Variants in SNX2 observed in about 807,000 individuals in gnomAD.
SNX2 encodes sorting nexin 2, also known as sorting nexin-2.
In SNX2, 25 loss-of-function variants were observed where a neutral mutation model predicts 69.9. That is an observed-to-expected ratio of 0.36 (90% CI 0.26 to 0.50). SNX2 has a LOEUF of 0.50. Ranked by LOEUF, SNX2 falls within the 20% of genes least tolerant of loss-of-function variation. The pLI, the probability that SNX2 is intolerant of heterozygous loss-of-function variation, is 0.97. For missense variants in SNX2, 551 were observed against 613.3 expected (o/e 0.90, Z 1.07); for synonymous variants, 229 against 200.4 (o/e 1.14, Z -1.20).
In SNX2 at chr5:122,830,396, G is replaced by GA. The variant is rs1011288031; in HGVS notation, c.*755dup. Reference sequence around the variant, plus strand: ...TACAAGTGCCCAATTTAAGAATTAGGAAAAAAATGTATTTATATACTTTTA... The same window carrying GA: ...TACAAGTGCCCAATTTAAGAATTAGGAAAAAAAATGTATTTATATACTTTTA... On this transcript the variant is annotated 3_prime_UTR_variant, in exon 15 of 15. Coordinates refer to ENST00000379516, the MANE Select transcript of SNX2 (RefSeq NM_003100.4). Among the ~76,000 whole-genome samples, 17 of 152,034 alleles carry GA rather than the reference G, an allele frequency of 1.1e-4. No individual in the cohort carries two copies. Among genetic ancestry groups the GA allele is most frequent in the East Asian group, 5.8e-4 (3 of 5,176 alleles).
At chr5:122,810,779 T>G (rs1424096006) in intron 7 of SNX2, among the ~76,000 whole-genome samples, 1 of 151,996 alleles carries the variant, frequency 6.6e-6, no homozygotes, top group Non-Finnish European at 1.5e-5. Context: ...GAATTTGCAA[T>G]AGTGAAAAAA....
At chr5:122,782,731 T>A (rs1753005809) in intron 1 of SNX2, among the ~76,000 whole-genome samples, 1 of 151,790 alleles carries the variant, frequency 6.6e-6, no homozygotes, top group Non-Finnish European at 1.5e-5. Flanking sequence ...GAGATAGGGT[T>A]TCGCCATGTT....
At position 122,818,818 on chromosome 5, in the gene SNX2, A is replaced by G. The variant is rs1220918156; in HGVS notation, c.1007A>G (p.Glu336Gly). Reference protein sequence around the residue: ...SVEALVCHRKELSANTAAFAK... With the variant: ...SVEALVCHRKGLSANTAAFAK... ...TTGCATACTTTTTTTTAAATTTCAG[A>G]ACTTTCAGCCAACACAGCTGCCTTT... The change falls in exon 11 of 15, where the codon GAA (glutamate) becomes GGA (glycine). Residue 336 changes from glutamate to glycine, a missense_variant and splice_region_variant. Glu to Gly is a moderately conservative substitution (Grantham distance 98, BLOSUM62 -2). Coordinates refer to ENST00000379516, the MANE Select transcript of SNX2 (RefSeq NM_003100.4). 1 of 1,607,986 alleles carries G rather than the reference A, an allele frequency of 6.2e-7. No homozygotes were observed. The highest frequency in any genetic ancestry group is 1.7e-5 in the Admixed American group (1 of 59,046).
chr5:122,791,427 G>A (rs555498267), intron 1 of SNX2, among the ~76,000 whole-genome samples: 6 of 152,046 alleles, frequency 3.9e-5, no homozygotes, highest in South Asian at 2.1e-4. Context: ...GATTACAGGC[G>A]CCTGCCACCA....
intron 7 of SNX2, among the ~76,000 whole-genome samples, chr5:122,813,535 A>G (rs1753827795): frequency 6.6e-6 from 1 of 152,062 alleles, no homozygotes; most frequent in Admixed American, 6.6e-5. Flanking sequence ...AACAAAGTTA[A>G]ACTAGGGTTA....
chr5:122,829,533 G>A (rs1754233210), intron 14 of SNX2, 65 bp from the exon 15 acceptor site: 1 of 1,296,636 alleles, frequency 7.7e-7, no homozygotes, highest in Non-Finnish European at 1.1e-6. Context: ...ATGCTGTACA[G>A]GATATATGCA....
chr5:122,775,140 G>A lies in SNX2; in HGVS notation c.37G>A (p.Gly13Arg), dbSNP rs761437804. The A allele has an allele frequency of 1.9e-4, 299 of 1,595,920 alleles. 1 individual carries two copies. Among genetic ancestry groups the A allele is most frequent in the Non-Finnish European group, 2.5e-4 (296 of 1,173,012 alleles). ...AEREPPPLGD[G>R]KPTDFEDLED... ...GAGGGAACCTCCTCCGCTGGGGGAC[G>A]GGAAGCCCACCGACTTTGAGGATCT... The change falls in exon 1 of 15, where the codon GGG (glycine) becomes AGG (arginine). Residue 13 changes from glycine (G) to arginine (R), a missense_variant. Transcript: ENST00000379516.
At chr5:122,797,444 A>G (rs1238661266) in intron 2 of SNX2, among the ~76,000 whole-genome samples, 3 of 151,560 alleles carry the variant, frequency 2.0e-5, no homozygotes, top group Non-Finnish European at 4.4e-5. Flanking sequence ...TAATGACATC[A>G]TTAAGTGACT....
chr5:122,813,506 T>G (rs1753827387), intron 7 of SNX2, among the ~76,000 whole-genome samples: 1 of 152,004 alleles, frequency 6.6e-6, no homozygotes. Flanking sequence ...GTCAATTGAG[T>G]TTTGTCAACA....
intron 11 of SNX2, among the ~76,000 whole-genome samples, chr5:122,823,405 C>T (rs1045389063): frequency 4.6e-5 from 7 of 152,058 alleles, no homozygotes; most frequent in Non-Finnish European, 7.4e-5. Flanking sequence ...TATCATAGCT[C>T]CTACATCTGT....
chr5:122,792,614 T>C (rs1039728761), intron 1 of SNX2, among the ~76,000 whole-genome samples: 1 of 139,092 alleles, frequency 7.2e-6, no homozygotes, highest in African/African-American at 2.6e-5. Context: ...AAAAAAAAAA[T>C]TGCTTAGTAA....
At position 122,821,438 on chromosome 5, in the gene SNX2, T is replaced by C. The variant is rs569817731; in HGVS notation, c.1212+2415T>C. On this transcript the variant is annotated intron_variant, in intron 11 of 14. Transcript: ENST00000379516. Reference sequence around the variant, plus strand: ...TCCACTTAATAGGGCGGTCTCCCTATCAACATAAGTAGATGTCCTTTTTTT... The same window carrying C: ...TCCACTTAATAGGGCGGTCTCCCTACCAACATAAGTAGATGTCCTTTTTTT... Among the ~76,000 whole-genome samples, 55 of 151,728 alleles carry C rather than the reference T, an allele frequency of 3.6e-4. No homozygotes were observed. The South Asian group carries it at 0.011, about 32-fold the overall frequency.
intron 3 of SNX2, 133 bp from the exon 4 acceptor site, chr5:122,801,736 A>G (rs1753520659): frequency 1.7e-6 from 1 of 580,048 alleles, no homozygotes; most frequent in Non-Finnish European, 3.1e-6. Context: ...TTGTTTTTCA[A>G]AAATGAAGTG....
At chr5:122,823,039 T>A (rs907132090) in intron 11 of SNX2, among the ~76,000 whole-genome samples, 1 of 152,158 alleles carries the variant, frequency 6.6e-6, no homozygotes, top group Non-Finnish European at 1.5e-5. Context: ...AATTTCCTGA[T>A]GGGCCAAAAA....
intron 1 of SNX2, among the ~76,000 whole-genome samples, chr5:122,781,105 C>A (rs1752971858): frequency 6.6e-6 from 1 of 152,060 alleles, no homozygotes; most frequent in Admixed American, 6.6e-5. Flanking sequence ...ATTTTTAGAT[C>A]CTATAAAAAT....
chr5:122,818,170 G>A (rs567314019), intron 10 of SNX2, among the ~76,000 whole-genome samples: 21 of 152,164 alleles, frequency 1.4e-4, no homozygotes, highest in Non-Finnish European at 2.6e-4. Flanking sequence ...GTAGAGCAAC[G>A]GAGCAGTTTC....
chr5:122,797,974 T>C (rs538931803), intron 2 of SNX2, among the ~76,000 whole-genome samples: 28 of 152,292 alleles, frequency 1.8e-4, no homozygotes, highest in African/African-American at 6.3e-4. Flanking sequence ...TAAAATGTGA[T>C]TAAAAAGTTT....
chr5:122,781,301 A>C (rs1870558), intron 1 of SNX2, among the ~76,000 whole-genome samples: 35,522 of 152,084 alleles, frequency 0.23, 4,556 homozygotes, highest in East Asian at 0.5. Flanking sequence ...CTTTAACTTA[A>C]CATAAAGCAT....
chr5:122,809,439 A>G (rs1384003069), intron 7 of SNX2, among the ~76,000 whole-genome samples: 1 of 152,158 alleles, frequency 6.6e-6, no homozygotes, highest in East Asian at 1.9e-4. Flanking sequence ...TAAAAGGGGG[A>G]CAGATGGGAG....
Sources: allele counts gnomAD v4.1 joint callset (sites outside exome capture counted in the v4.1 genomes callset), GRCh38; gene constraint gnomAD v4.1.1; transcripts MANE v1.5; gene names NCBI Gene and HGNC (gene_info 2026-07-23, HGNC 2026-07-21).